SLC1A2: variants seen among roughly 807,000 people sequenced by gnomAD.
The protein encoded by SLC1A2 is excitatory amino acid transporter 2.
SLC1A2 carries 15 observed loss-of-function variants against 48.8 expected under a neutral mutation model. The ratio of observed to expected loss-of-function variants is 0.31; its 90% confidence interval spans 0.21 to 0.47. SLC1A2 has a LOEUF of 0.47. Ranked by LOEUF, SLC1A2 falls within the 20% of genes least tolerant of loss-of-function variation. The pLI, the probability that SLC1A2 is intolerant of heterozygous loss-of-function variation, is 0.99. For missense variants in SLC1A2, 502 were observed against 730.5 expected, an observed-to-expected ratio of 0.69 and a Z score of 3.61; for synonymous variants, 279 against 272.6, an observed-to-expected ratio of 1.02 and a Z score of -0.23.
chr11:35,323,174 C>T, intron 1 of SLC1A2: 1 of 234,306 alleles, frequency 4.3e-6, no homozygotes, highest in South Asian at 6.0e-5. Context: ...TCACAAACCT[C>T]TTTTCTATAG....
chr11:35,279,536 G>A (rs1045555296), intron 9 of SLC1A2, among the ~76,000 whole-genome samples: 2 of 152,306 alleles, frequency 1.3e-5, no homozygotes, highest in Non-Finnish European at 2.9e-5. Flanking sequence ...CCTTTGTGCA[G>A]GCTGGCCTTG....
chr11:35,289,166 C>G (rs1444718752), intron 7 of SLC1A2, among the ~76,000 whole-genome samples: 2 of 152,180 alleles, frequency 1.3e-5, no homozygotes, highest in African/African-American at 4.8e-5. Context: ...TCAGGCCACC[C>G]CACTCCCTCT....
At chr11:35,335,823 C>A (rs1437778209) in intron 1 of SLC1A2, among the ~76,000 whole-genome samples, 1 of 152,018 alleles carries the variant, frequency 6.6e-6, no homozygotes, top group Non-Finnish European at 1.5e-5. Flanking sequence ...TAGGTAGTCT[C>A]ATAAGCCAGT....
intron 1 of SLC1A2, among the ~76,000 whole-genome samples, chr11:35,404,163 TG>T (rs1357268027): frequency 6.6e-6 from 1 of 152,206 alleles, no homozygotes; most frequent in Non-Finnish European, 1.5e-5. Flanking sequence ...ATTCTTGTGT[TG>T]TTGATTTTGG....
At chr11:35,406,895 G>A (rs1855312404) in intron 1 of SLC1A2, among the ~76,000 whole-genome samples, 1 of 152,136 alleles carries the variant, frequency 6.6e-6, no homozygotes, top group Non-Finnish European at 1.5e-5. Flanking sequence ...GGAGTTATCA[G>A]GATACATGTG....
At chr11:35,333,634 A>G (rs191720411) in intron 1 of SLC1A2, among the ~76,000 whole-genome samples, 67 of 152,068 alleles carry the variant, frequency 4.4e-4, no homozygotes, top group African/African-American at 1.6e-3. Context: ...TTATAGTAAG[A>G]TATTGTTAAT....
chr11:35,326,252 C>G (rs931048538), intron 1 of SLC1A2, among the ~76,000 whole-genome samples: 13 of 152,194 alleles, frequency 8.5e-5, no homozygotes, highest in African/African-American at 3.1e-4. Flanking sequence ...GCATCAACAT[C>G]TCTAAATTGG....
intron 7 of SLC1A2, among the ~76,000 whole-genome samples, chr11:35,287,588 A>G (rs1191906192): frequency 6.6e-6 from 1 of 152,180 alleles, no homozygotes; most frequent in Non-Finnish European, 1.5e-5. Context: ...CAGTCACTTC[A>G]ATGACATGGA....
intron 1 of SLC1A2, among the ~76,000 whole-genome samples, chr11:35,347,143 G>C (rs764631592): frequency 1.3e-5 from 2 of 152,224 alleles, no homozygotes; most frequent in Admixed American, 6.5e-5. Context: ...GGAGGGATAA[G>C]AGTTTAACCC....
At chr11:35,267,106 G>C (rs549113024) in intron 9 of SLC1A2, among the ~76,000 whole-genome samples, 2 of 152,168 alleles carry the variant, frequency 1.3e-5, no homozygotes, top group African/African-American at 4.8e-5. Flanking sequence ...CAGTGTGATC[G>C]GGTCTACATC....
intron 6 of SLC1A2, among the ~76,000 whole-genome samples, chr11:35,301,033 T>G (rs2134795629): frequency 6.6e-6 from 1 of 152,182 alleles, no homozygotes. Context: ...TCAAAAAAAT[T>G]ACAATAGAAT....
At chr11:35,363,504 A>T (rs1173760047) in intron 1 of SLC1A2, among the ~76,000 whole-genome samples, 1 of 152,100 alleles carries the variant, frequency 6.6e-6, no homozygotes, top group Non-Finnish European at 1.5e-5. Context: ...ATGCCTTCAG[A>T]TCTCTCCAGG....
chr11:35,391,642 A>G (rs1017466880), intron 1 of SLC1A2: 11 of 152,256 alleles, frequency 7.2e-5, no homozygotes, highest in African/African-American at 2.7e-4. Context: ...TGGTTGGGGA[A>G]GAAGGGATCT....
intron 1 of SLC1A2, among the ~76,000 whole-genome samples, chr11:35,385,482 T>C (rs909044547): frequency 6.6e-6 from 1 of 152,116 alleles, no homozygotes; most frequent in African/African-American, 2.4e-5. Flanking sequence ...TGCCTCCCAT[T>C]CTCCCTAAAC....
chr11:35,350,717 A>G lies in SLC1A2; in HGVS notation c.18-33201T>C, dbSNP rs138910867. On this transcript the variant is annotated intron_variant, in intron 1 of 10. Coordinates refer to ENST00000278379, the MANE Select transcript of SLC1A2 (RefSeq NM_004171.4). ...GATGCAACAAACCCTTTGATGATTTATTTAAATACTTATAGCTGCAGCTGC... is the reference window on the plus strand; with the variant it reads ...GATGCAACAAACCCTTTGATGATTTGTTTAAATACTTATAGCTGCAGCTGC... Among the ~76,000 whole-genome samples, 292 of 152,324 alleles carry G rather than the reference A, an allele frequency of 1.9e-3. 1 individual carries two copies. The highest frequency in any genetic ancestry group is 6.8e-3 in the African/African-American group (283 of 41,570).
At chr11:35,414,940 G>C (rs1170333281) in intron 1 of SLC1A2, among the ~76,000 whole-genome samples, 1 of 152,196 alleles carries the variant, frequency 6.6e-6, no homozygotes, top group Non-Finnish European at 1.5e-5. Flanking sequence ...GCCTTTAAAA[G>C]GGGGGAAACC....
intron 1 of SLC1A2, among the ~76,000 whole-genome samples, chr11:35,415,800 C>T (rs527903668): frequency 5.6e-4 from 85 of 152,298 alleles, no homozygotes; most frequent in African/African-American, 1.9e-3. Context: ...GACAGATTGC[C>T]GTGGGTCTCT....
chr11:35,372,322 A>G (rs1281605531), intron 1 of SLC1A2, among the ~76,000 whole-genome samples: 1 of 152,218 alleles, frequency 6.6e-6, no homozygotes, highest in African/African-American at 2.4e-5. Context: ...TCATTCTGCT[A>G]TGCTATCTTA....
chr11:35,293,155 C>A (rs993010389), intron 6 of SLC1A2, among the ~76,000 whole-genome samples: 2 of 152,190 alleles, frequency 1.3e-5, no homozygotes, highest in Non-Finnish European at 2.9e-5. Flanking sequence ...GAGCTGCACA[C>A]CCATTCCCTC....
Sources: gnomAD v4.1 joint callset for allele counts (sites outside exome capture counted in the v4.1 genomes callset) on GRCh38, gnomAD v4.1.1 for gene constraint, MANE v1.5 for transcripts, NCBI Gene and HGNC (gene_info 2026-07-23, HGNC 2026-07-21) for gene names.